Variants in FSTL5 observed in about 807,000 individuals in gnomAD.
The protein encoded by FSTL5 is follistatin-related protein 5.
In FSTL5, 62 loss-of-function variants were observed where a neutral mutation model predicts 89.1. That is an observed-to-expected ratio of 0.70 (90% CI 0.57 to 0.86). The LOEUF (loss-of-function observed/expected upper bound fraction) is 0.86, where lower values mean the gene tolerates loss of function less well. Among genes scored for constraint, FSTL5 ranks in the 40% least tolerant of loss-of-function variants. FSTL5 has a pLI of 0.00. For missense variants in FSTL5, 1,057 were observed against 1,001.6 expected, an observed-to-expected ratio of 1.06 and a Z score of -0.75; for synonymous variants, 383 against 346.2, an observed-to-expected ratio of 1.11 and a Z score of -1.18.
At chr4:162,005,063 T>A (rs1476815734) in intron 3 of FSTL5, among the ~76,000 whole-genome samples, 2 of 152,162 alleles carry the variant, frequency 1.3e-5, no homozygotes, top group Admixed American at 6.6e-5. Flanking sequence ...TCTAAAATAA[T>A]GTAATGTATC....
At position 161,807,948 on chromosome 4, in the gene FSTL5, G is replaced by C. The variant is rs556376077; in HGVS notation, c.410-31874C>G. Among the ~76,000 whole-genome samples, 23 of 152,202 alleles carry C rather than the reference G, an allele frequency of 1.5e-4. No homozygotes were observed. The South Asian group carries it at 4.6e-3, about 30-fold the overall frequency. ...AAATCAGGAAGCTAATGAACAGAGA[G>C]AAATCAGAGAAATCAAAAGGCAAAG... On this transcript the variant is annotated intron_variant, in intron 4 of 15. Transcript: ENST00000306100.
chr4:161,560,697 T>C (rs747529280), intron 8 of FSTL5, among the ~76,000 whole-genome samples: 3 of 151,798 alleles, frequency 2.0e-5, no homozygotes, highest in Non-Finnish European at 2.9e-5. Flanking sequence ...GGTCCTGTCT[T>C]TATCTATATC....
chr4:161,899,694 G>A (rs993349429), intron 4 of FSTL5, among the ~76,000 whole-genome samples: 4 of 152,088 alleles, frequency 2.6e-5, no homozygotes, highest in African/African-American at 9.7e-5. Flanking sequence ...TGGGGAAGGG[G>A]GAGACAGAGA....
intron 3 of FSTL5, among the ~76,000 whole-genome samples, chr4:161,996,213 A>G (rs917603971): frequency 6.6e-6 from 1 of 152,232 alleles, no homozygotes; most frequent in Admixed American, 6.5e-5. Context: ...TATTCTGCAC[A>G]TGGCAAAGCC....
intron 8 of FSTL5, among the ~76,000 whole-genome samples, chr4:161,586,771 A>G (rs1333372658): frequency 6.6e-6 from 1 of 152,030 alleles, no homozygotes; most frequent in African/African-American, 2.4e-5. Flanking sequence ...ATTATCTGCC[A>G]CTCTCCTCTA....
chr4:162,066,367 T>C lies in FSTL5; in HGVS notation c.127-32709A>G, dbSNP rs572499141. 1.2e-3 allele frequency among the ~76,000 whole-genome samples: 165 copies of C among 136,562 alleles called. 1 individual carries two copies. Among genetic ancestry groups the C allele is most frequent in the African/African-American group, 4.2e-3 (156 of 37,446 alleles). The allele number at this position is 136,562 out of a possible 152,430, so 89.6% of individuals were successfully genotyped here. A position where few individuals can be genotyped will look rare whatever the true frequency, so the allele number is the denominator to read the frequency against. The stretch of plus-strand genomic sequence containing the variant: ...TTCTTCTTCTTCTCCTTCTTCTTCT[T>C]CTTCTCCTTCTTCTTCTTCTTCATT... On this transcript the variant is annotated intron_variant, in intron 2 of 15. Transcript: ENST00000306100.
At chr4:161,825,981 T>C (rs1056355400) in intron 4 of FSTL5, among the ~76,000 whole-genome samples, 3 of 152,176 alleles carry the variant, frequency 2.0e-5, no homozygotes, top group Non-Finnish European at 4.4e-5. Context: ...GATTGTCTAT[T>C]TGTGCTTTTT....
At chr4:161,735,360 G>T (rs1249214829) in intron 6 of FSTL5, among the ~76,000 whole-genome samples, 1 of 152,068 alleles carries the variant, frequency 6.6e-6, no homozygotes, top group Non-Finnish European at 1.5e-5. Flanking sequence ...AGTTTTTATG[G>T]AGACTTCATT....
intron 3 of FSTL5, among the ~76,000 whole-genome samples, chr4:161,985,949 C>A (rs1453486985): frequency 6.6e-6 from 1 of 152,086 alleles, no homozygotes; most frequent in Non-Finnish European, 1.5e-5. Flanking sequence ...CTGACATAAT[C>A]ATGTGTAACT....
chr4:161,945,997 CCAA>C (rs1202318765), intron 3 of FSTL5, among the ~76,000 whole-genome samples: 1 of 151,998 alleles, frequency 6.6e-6, no homozygotes, highest in East Asian at 1.9e-4. Flanking sequence ...CTGGTTCTGA[CCAA>C]CAATATTGCA....
At chr4:162,091,868 G>C (rs2046331) in intron 2 of FSTL5, among the ~76,000 whole-genome samples, 3 of 150,986 alleles carry the variant, frequency 2.0e-5, no homozygotes, top group South Asian at 2.1e-4. Flanking sequence ...TATTTATATA[G>C]GGAGAGAAAT....
At chr4:162,150,663 G>A (rs1228410939) in intron 1 of FSTL5, among the ~76,000 whole-genome samples, 2 of 152,010 alleles carry the variant, frequency 1.3e-5, no homozygotes, top group Admixed American at 1.3e-4. Context: ...CAAAATCATG[G>A]CACCCAACAC....
At chr4:162,118,155 G>T (rs1028649296) in intron 1 of FSTL5, among the ~76,000 whole-genome samples, 11 of 152,110 alleles carry the variant, frequency 7.2e-5, no homozygotes, top group African/African-American at 2.7e-4. Flanking sequence ...TTTGTTTGTT[G>T]TAACAGTTAT....
intron 4 of FSTL5, among the ~76,000 whole-genome samples, chr4:161,865,451 A>C (rs1348042832): frequency 6.6e-6 from 1 of 152,196 alleles, no homozygotes; most frequent in Non-Finnish European, 1.5e-5. Context: ...ATAAACATAC[A>C]ATCAGTGATG....
At chr4:162,134,245 C>A (rs1264934690) in intron 1 of FSTL5, among the ~76,000 whole-genome samples, 1 of 152,106 alleles carries the variant, frequency 6.6e-6, no homozygotes, top group Non-Finnish European at 1.5e-5. Context: ...ACGGTGGTAT[C>A]TCAGGCCATG....
At chr4:162,093,349 G>T (rs1730624155) in intron 2 of FSTL5, among the ~76,000 whole-genome samples, 1 of 152,100 alleles carries the variant, frequency 6.6e-6, no homozygotes, top group South Asian at 2.1e-4. Context: ...TAGATAACAG[G>T]TCAAATGTTT....
chr4:162,121,347 T>A (rs1337052354), intron 1 of FSTL5, among the ~76,000 whole-genome samples: 1 of 151,994 alleles, frequency 6.6e-6, no homozygotes, highest in Non-Finnish European at 1.5e-5. Flanking sequence ...AAAAAAGCAA[T>A]ACAACATATA....
At chr4:162,159,542 C>T (rs1733612797) in intron 1 of FSTL5, among the ~76,000 whole-genome samples, 1 of 151,978 alleles carries the variant, frequency 6.6e-6, no homozygotes, top group East Asian at 1.9e-4. Context: ...TGATTTTAAA[C>T]CAAGAAAGTT....
intron 6 of FSTL5, among the ~76,000 whole-genome samples, chr4:161,712,874 A>G (rs11937214): frequency 0.065 from 9,850 of 152,074 alleles, 443 homozygotes; most frequent in South Asian, 0.23. Context: ...CATGTGATGC[A>G]CTGTTTCCTC....
Sources: allele counts gnomAD v4.1 joint callset (sites outside exome capture counted in the v4.1 genomes callset), GRCh38; gene constraint gnomAD v4.1.1; transcripts MANE v1.5; gene names NCBI Gene and HGNC (gene_info 2026-07-23, HGNC 2026-07-21).